Variants in FHIP1A observed in about 807,000 individuals in gnomAD.
The protein encoded by FHIP1A is FHF complex subunit HOOK-interacting protein 1A.
In FHIP1A, 61 loss-of-function variants were observed where a neutral mutation model predicts 88.6. The ratio of observed to expected loss-of-function variants is 0.69; its 90% CI spans 0.56 to 0.85. FHIP1A has a LOEUF of 0.85. Among genes scored for constraint, FHIP1A ranks in the 40% least tolerant of loss-of-function variants. The probability of loss-of-function intolerance (pLI) is 0.00; values close to 1 mark genes in which losing one functional copy is unlikely to be tolerated. For missense variants in FHIP1A, 1,154 were observed against 1,273.5 expected (o/e 0.91, Z 1.43); for synonymous variants, 478 against 496.0 (o/e 0.96, Z 0.48).
Position 151,629,752 on chromosome 4 carries a change from G to A in FHIP1A, c.1029G>A (p.Leu343=), listed in dbSNP as rs932319405. Residue 343 remains leucine, a synonymous_variant, in exon 8 of 14, where the codon CTG becomes CTA. Transcript: ENST00000435205. ...MTTTAYLDLF[L]RSISEPALLE... ...CAACTGCATATCTGGACCTTTTCCTGCGTAGCATCTCCGAGCCAGCACTAC... is the reference window on the plus strand; with the variant it reads ...CAACTGCATATCTGGACCTTTTCCTACGTAGCATCTCCGAGCCAGCACTAC... 2 of 1,551,270 alleles carry A rather than the reference G, an allele frequency of 1.3e-6. No individual in the cohort carries two copies. The highest frequency in any genetic ancestry group is 1.7e-6 in the Non-Finnish European group (2 of 1,146,798).
Position 151,667,172 on chromosome 4 carries a change from T to C in FHIP1A, c.*4418T>C, listed in dbSNP as rs923663530. The C allele has an allele frequency of 1.3e-5, 2 of 152,258 alleles. No homozygotes were observed. The highest frequency in any genetic ancestry group is 4.8e-5 in the African/African-American group (2 of 41,458). The allele number at this position is 152,258 out of a possible 1,614,324, so 9.4% of individuals were successfully genotyped here. On this transcript the variant is annotated 3_prime_UTR_variant, in exon 14 of 14. Coordinates refer to ENST00000435205, the MANE Select transcript of FHIP1A (RefSeq NM_001109977.3). ...CCTGCTTTGCAGTGTGAGCTCTTCC[T>C]GGAAACAGCAGTCTCTTGTAGCTGA... is the stretch of plus-strand genomic sequence containing the variant.
chr4:151,416,734 A>G (rs951877461), intron 1 of FHIP1A, among the ~76,000 whole-genome samples: 1 of 152,180 alleles, frequency 6.6e-6, no homozygotes, highest in African/African-American at 2.4e-5. Flanking sequence ...TATAGTTTGT[A>G]TATATTCATA....
intron 7 of FHIP1A, among the ~76,000 whole-genome samples, chr4:151,605,164 A>G (rs150513720): frequency 6.6e-6 from 1 of 152,178 alleles, no homozygotes; most frequent in African/African-American, 2.4e-5. Flanking sequence ...TTGGATGGGA[A>G]AAGGTTGTAT....
At chr4:151,527,283 A>C (rs1005946569) in intron 3 of FHIP1A, among the ~76,000 whole-genome samples, 1 of 152,228 alleles carries the variant, frequency 6.6e-6, no homozygotes, top group Non-Finnish European at 1.5e-5. Flanking sequence ...GCACCTCGGG[A>C]GGCCGAGGCT....
rs903820703 is a variant in FHIP1A, at chr4:151,486,756, C to T, written c.-123+4108C>T. Reference sequence around the variant, plus strand: ...TCGAGGCGGGCGGATCGCCTGAGGTCGGGAGTTCGAGACCAGCCTGACCAA... The same window carrying T: ...TCGAGGCGGGCGGATCGCCTGAGGTTGGGAGTTCGAGACCAGCCTGACCAA... On this transcript the variant is annotated intron_variant, in intron 3 of 13. Coordinates refer to ENST00000435205, the MANE Select transcript of FHIP1A (RefSeq NM_001109977.3). 3.9e-5 allele frequency among the ~76,000 whole-genome samples: 6 copies of T among 151,994 alleles called. No individual in the cohort carries two copies. The South Asian group carries it at 6.2e-4, about 16-fold the overall frequency.
intron 1 of FHIP1A, among the ~76,000 whole-genome samples, chr4:151,445,809 C>G (rs1198989819): frequency 7.2e-6 from 1 of 139,762 alleles, no homozygotes; most frequent in South Asian, 2.3e-4. Flanking sequence ...GACCTATGAT[C>G]ACACCTCTGC....
At chr4:151,418,521 C>T (rs1383430289) in intron 1 of FHIP1A, among the ~76,000 whole-genome samples, 1 of 152,188 alleles carries the variant, frequency 6.6e-6, no homozygotes, top group Non-Finnish European at 1.5e-5. Flanking sequence ...GTCATTCCTT[C>T]ACAGTGAATC....
intron 3 of FHIP1A, among the ~76,000 whole-genome samples, chr4:151,489,236 G>A (rs1173512982): frequency 6.6e-6 from 1 of 152,188 alleles, no homozygotes; most frequent in Admixed American, 6.5e-5. Flanking sequence ...AGGGAGCTGA[G>A]TGAAATATAA....
Position 151,666,818 on chromosome 4 carries a change from C to T in FHIP1A, c.*4064C>T, listed in dbSNP as rs17360385. 6.6e-6 allele frequency among the ~76,000 whole-genome samples: 1 copy of T among 152,032 alleles called. No homozygotes were observed. Among genetic ancestry groups the T allele is most frequent in the Non-Finnish European group, 1.5e-5 (1 of 68,002 alleles). On this transcript the variant is annotated 3_prime_UTR_variant, in exon 14 of 14. Transcript: ENST00000435205. ...AAATCAAGTGCTTTAACGATGGCAT[C>T]GTCCTCTGGGAATAATCAGTCCTTA...
chr4:151,517,587 G>C (rs538358729), intron 3 of FHIP1A, among the ~76,000 whole-genome samples: 2 of 152,106 alleles, frequency 1.3e-5, no homozygotes, highest in South Asian at 4.2e-4. Context: ...TGTAGATGCT[G>C]TTTTATATCC....
intron 7 of FHIP1A, among the ~76,000 whole-genome samples, chr4:151,594,573 C>A (rs1372016915): frequency 1.4e-5 from 2 of 145,662 alleles, no homozygotes; most frequent in African/African-American, 2.5e-5. Flanking sequence ...GTGGTGATAT[C>A]CCCTTTGTCT....
chr4:151,515,417 C>T (rs1192062531), intron 3 of FHIP1A, among the ~76,000 whole-genome samples: 3 of 152,020 alleles, frequency 2.0e-5, no homozygotes, highest in Non-Finnish European at 4.4e-5. Flanking sequence ...CCTCTCTCAC[C>T]ACTCCTATTC....
At chr4:151,608,841 A>G (rs1735182639) in intron 7 of FHIP1A, among the ~76,000 whole-genome samples, 1 of 152,226 alleles carries the variant, frequency 6.6e-6, no homozygotes, top group Non-Finnish European at 1.5e-5. Context: ...TAAACTGGAG[A>G]TAAGGAATCT....
chr4:151,602,912 T>C (rs1355866256), intron 7 of FHIP1A, among the ~76,000 whole-genome samples: 4 of 152,190 alleles, frequency 2.6e-5, no homozygotes, highest in Admixed American at 1.3e-4. Context: ...TTTCTAGCTA[T>C]AAAACCTTTC....
At chr4:151,422,308 A>T (rs1410479067) in intron 1 of FHIP1A, among the ~76,000 whole-genome samples, 1 of 152,082 alleles carries the variant, frequency 6.6e-6, no homozygotes, top group African/African-American at 2.4e-5. Flanking sequence ...ATCCCAATAC[A>T]TAGACCAGTG....
At chr4:151,511,735 G>A (rs1731041584) in intron 3 of FHIP1A, among the ~76,000 whole-genome samples, 1 of 152,254 alleles carries the variant, frequency 6.6e-6, no homozygotes, top group Non-Finnish European at 1.5e-5. Context: ...GCTGGGGGAG[G>A]GGCGCCCGCC....
At chr4:151,559,292 CT>C in intron 3 of FHIP1A, among the ~76,000 whole-genome samples, 1 of 152,100 alleles carries the variant, frequency 6.6e-6, no homozygotes, top group African/African-American at 2.4e-5. Context: ...TTAAGTTGTT[CT>C]TTTGCTTTTA....
Position 151,667,076 on chromosome 4 carries a change from C to T in FHIP1A, c.*4322C>T, listed in dbSNP as rs1737692657. The T allele has an allele frequency of 6.6e-6, 1 of 152,202 alleles. No individual in the cohort carries two copies. Among genetic ancestry groups the T allele is most frequent in the South Asian group, 2.1e-4 (1 of 4,828 alleles). The allele number at this position is 152,202 out of a possible 1,614,324, so 9.4% of individuals were successfully genotyped here. On this transcript the variant is annotated 3_prime_UTR_variant, in exon 14 of 14. Transcript: ENST00000435205. The stretch of plus-strand genomic sequence containing the variant: ...TATGAAACACTTTATTGCAGGTCAG[C>T]TATTATTGCACGTGCTACTTCAAGT...
chr4:151,582,023 A>C (rs1354201602), intron 5 of FHIP1A, among the ~76,000 whole-genome samples: 1 of 152,076 alleles, frequency 6.6e-6, no homozygotes, highest in Non-Finnish European at 1.5e-5. Flanking sequence ...TTTTTTTTTA[A>C]AACCAAATAT....
Sources: gnomAD v4.1 joint callset for allele counts (sites outside exome capture counted in the v4.1 genomes callset) on GRCh38, gnomAD v4.1.1 for gene constraint, MANE v1.5 for transcripts, NCBI Gene and HGNC (gene_info 2026-07-23, HGNC 2026-07-21) for gene names.